The following CSE1L variants were observed in gnomAD, a reference collection of about 807,000 sequenced individuals.
The protein encoded by CSE1L is exportin-2.
In CSE1L, 24 loss-of-function variants were observed where a neutral mutation model predicts 120.4. The observed-to-expected ratio is 0.20, with a 90% confidence interval of 0.14 to 0.28. CSE1L has a LOEUF of 0.28. Among genes scored for constraint, CSE1L ranks in the 10% least tolerant of loss-of-function variants. The pLI is 1.00. For missense variants in CSE1L, 830 were observed against 1,145.2 expected (o/e 0.72, Z 3.97); for synonymous variants, 402 against 398.3 (o/e 1.01, Z -0.11).
At chr20:49,096,071 C>T (rs1482081912) in intron 24 of CSE1L, 5 of 573,624 alleles carry the variant, frequency 8.7e-6, no homozygotes, top group African/African-American at 3.7e-5. Context: ...ACGTTTCACG[C>T]GTAAGTACCT....
rs2091891897 is a variant in CSE1L at position 49,066,309 on chromosome 20, T to C, written c.330+16T>C. On this transcript the variant is annotated intron_variant, in intron 4 of 24. Transcript: ENST00000262982. ...TCAGAAGCAGGTAATGTCGCTCCAC[T>C]TTTTAGATGGGCTCCTCTGTAAAGC... is the stretch of plus-strand genomic sequence containing the variant. The C allele has an allele frequency of 6.2e-7, 1 of 1,614,038 alleles. No individual in the cohort carries two copies. Among genetic ancestry groups the C allele is most frequent in the Non-Finnish European group, 8.5e-7 (1 of 1,180,002 alleles).
Position 49,048,375 on chromosome 20 carries a change from C to T in CSE1L, c.-12+1952C>T, listed in dbSNP as rs183911814. 1.3e-3 allele frequency among the ~76,000 whole-genome samples: 204 copies of T among 152,222 alleles called. 3 individuals are homozygous for T. Among genetic ancestry groups the T allele is most frequent in the African/African-American group, 4.8e-3 (198 of 41,530 alleles). On this transcript the variant is annotated intron_variant, in intron 1 of 24. Transcript: ENST00000262982. The stretch of plus-strand genomic sequence containing the variant: ...TTATTCATTTAATAACTTTATTGAG[C>T]ATCCACTTAATCTCTGGGAATATAG...
At chr20:49,067,114 G>T in intron 5 of CSE1L, 76 bp from the exon 6 acceptor site, 1 of 683,782 alleles carries the variant, frequency 1.5e-6, no homozygotes. Context: ...TGTCCAATCA[G>T]CATCTCTCCT....
At chr20:49,050,328 C>T (rs941069413) in intron 1 of CSE1L, among the ~76,000 whole-genome samples, 11 of 151,228 alleles carry the variant, frequency 7.3e-5, no homozygotes, top group Non-Finnish European at 1.6e-4. Flanking sequence ...AAGCAATCCT[C>T]CTGCCTCAAC....
chr20:49,065,585 A>AG lies in CSE1L; in HGVS notation c.229-607_229-606insG, dbSNP rs1568769284. Among the ~76,000 whole-genome samples, 6 of 77,284 alleles carry AG rather than the reference A, an allele frequency of 7.8e-5. No homozygotes were observed. The Admixed American group carries it at 1.1e-3, about 14-fold the overall frequency. The allele number at this position is 77,284 out of a possible 152,430, so 50.7% of individuals were successfully genotyped here. On this transcript the variant is annotated intron_variant, in intron 3 of 24. Coordinates refer to ENST00000262982, the MANE Select transcript of CSE1L (RefSeq NM_001316.4). ...GCCATCGCACCTGGCCTAAAATGGA[A>AG]ATTTTTTTTTTTTTTTTTTTTTTTT...
At chr20:49,075,603 A>G (rs935084686) in intron 12 of CSE1L, 83 bp downstream of exon 12, 1 of 1,054,116 alleles carries the variant, frequency 9.5e-7, no homozygotes, top group African/African-American at 1.6e-5. Flanking sequence ...CGTCTCTGAT[A>G]ATAGAGCTTA....
At position 49,094,248 on chromosome 20, in the gene CSE1L, A is replaced by G; in HGVS notation, c.2556A>G (p.Glu852=). The G allele has an allele frequency of 6.2e-7, 1 of 1,613,292 alleles. No individual in the cohort carries two copies. The highest frequency in any genetic ancestry group is 8.5e-7 in the Non-Finnish European group (1 of 1,179,652). The part of the protein sequence containing the change: ...CAVGITKLLT[E]CPPMMDTEYT... ...TTGGCATAACCAAATTACTAACAGA[A>G]TGTCCCCCAATGATGGACACTGAGT... The change falls in exon 23 of 25, where the codon GAA becomes GAG. Residue 852 remains glutamate, a synonymous_variant. Coordinates refer to ENST00000262982, the MANE Select transcript of CSE1L (RefSeq NM_001316.4).
intron 11 of CSE1L, 127 bp downstream of exon 11, chr20:49,074,977 C>G (rs1216108764): frequency 1.5e-5 from 10 of 656,170 alleles, no homozygotes; most frequent in Admixed American, 3.4e-5. Flanking sequence ...TCATTGAGAA[C>G]TGTTGTCTTT....
At position 49,063,557 on chromosome 20, in the gene CSE1L, CA is replaced by C. The variant is rs140201989; in HGVS notation, c.228+221del. Among the ~76,000 whole-genome samples, 457 of 151,558 alleles carry C rather than the reference CA, an allele frequency of 3.0e-3. 13 individuals carry two copies. The East Asian group carries it at 0.034, about 11-fold the overall frequency. On this transcript the variant is annotated intron_variant, in intron 3 of 24. Coordinates refer to ENST00000262982, the MANE Select transcript of CSE1L (RefSeq NM_001316.4). ...TTAGTGACAGAATGAGACCTTGTCT[CA>C]AAAAAAAGGATTCAGATATGGATCA... is the stretch of plus-strand genomic sequence containing the variant.
Position 49,089,371 on chromosome 20 carries a change from C to G in CSE1L, c.1946C>G (p.Thr649Ser), listed in dbSNP as rs1182098164. The G allele has an allele frequency of 1.9e-6, 3 of 1,609,370 alleles. No individual in the cohort carries two copies. Among genetic ancestry groups the G allele is most frequent in the East Asian group, 2.2e-5 (1 of 44,858 alleles). Residue 649 changes from threonine (T) to serine (S), a missense_variant, in exon 18 of 25, where the codon ACT (threonine) becomes AGT (serine). This residue lies in a region of CSE1L where 168 missense variants were observed against 267.9 expected (regional missense o/e 0.63). Transcript: ENST00000262982. ...GAGGAGGCTTTGTTTTTGGTGTTTA[C>G]TGAAATCTTACAAAATGATGTGCAA... ...NFEEALFLVF[T>S]EILQNDVQEF...
intron 3 of CSE1L, among the ~76,000 whole-genome samples, chr20:49,065,560 G>A (rs1250027430): frequency 7.8e-6 from 1 of 128,176 alleles, no homozygotes; most frequent in Non-Finnish European, 1.6e-5. Flanking sequence ...CCTTGAGTGA[G>A]CCATCGCACC....
intron 1 of CSE1L, among the ~76,000 whole-genome samples, chr20:49,050,312 G>T (rs911453082): frequency 2.0e-5 from 3 of 150,798 alleles, no homozygotes; most frequent in African/African-American, 7.3e-5. Flanking sequence ...TAGACCTCCC[G>T]GGCTCAAGCA....
intron 14 of CSE1L, among the ~76,000 whole-genome samples, chr20:49,081,222 G>C (rs946760716): frequency 6.6e-6 from 1 of 152,110 alleles, no homozygotes; most frequent in Non-Finnish European, 1.5e-5. Flanking sequence ...GACCTCAGGT[G>C]ATCCACCCCT....
intron 3 of CSE1L, among the ~76,000 whole-genome samples, chr20:49,064,793 G>C (rs781438028): frequency 6.6e-5 from 10 of 151,024 alleles, no homozygotes; most frequent in Non-Finnish European, 1.3e-4. Flanking sequence ...TGTAAAACTA[G>C]TGAGACTTAA....
chr20:49,083,945 A>G (rs2092033195), intron 14 of CSE1L, 81 bp from the exon 15 acceptor site: 9 of 1,403,414 alleles, frequency 6.4e-6, no homozygotes, highest in East Asian at 2.3e-5. Flanking sequence ...CTTTAAATCA[A>G]CAGGTCCTTC....
At chr20:49,055,907 T>G (rs989559444) in intron 1 of CSE1L, among the ~76,000 whole-genome samples, 11 of 152,088 alleles carry the variant, frequency 7.2e-5, no homozygotes, top group Admixed American at 3.9e-4. Context: ...TAATTTGAAT[T>G]ATGATATCCT....
intron 1 of CSE1L, among the ~76,000 whole-genome samples, chr20:49,050,700 C>T (rs6012590): frequency 0.36 from 54,688 of 151,494 alleles, 10,689 homozygotes; most frequent in African/African-American, 0.53. Flanking sequence ...CGTAAGCCAC[C>T]GCGCCCGGCC....
At chr20:49,083,736 T>C (rs1300584805) in intron 14 of CSE1L, among the ~76,000 whole-genome samples, 1 of 152,242 alleles carries the variant, frequency 6.6e-6, no homozygotes, top group Non-Finnish European at 1.5e-5. Flanking sequence ...TTAAGTTTGG[T>C]GAAATCTTAG....
chr20:49,068,308 G>C (rs1188379495), intron 6 of CSE1L, among the ~76,000 whole-genome samples: 1 of 152,226 alleles, frequency 6.6e-6, no homozygotes, highest in Middle Eastern at 3.4e-3. Flanking sequence ...AAAAGCCAAG[G>C]CTGGGCATGG....
Sources: gnomAD v4.1 joint callset for allele counts (sites outside exome capture counted in the v4.1 genomes callset) on GRCh38, gnomAD v4.1.1 for gene constraint, gnomAD v4.1.1 regional missense constraint, MANE v1.5 for transcripts, NCBI Gene and HGNC (gene_info 2026-07-23, HGNC 2026-07-21) for gene names.